The following LARS2 variants were observed in gnomAD, a reference collection of about 807,000 sequenced individuals.
The protein encoded by LARS2 is leucyl-tRNA synthetase 2, mitochondrial, also known as leucine--tRNA ligase, mitochondrial.
LARS2 carries 81 observed loss-of-function variants against 116.6 expected under a neutral mutation model. The observed-to-expected ratio is 0.69, with a 90% CI of 0.58 to 0.84. The LOEUF (loss-of-function observed/expected upper bound fraction) is 0.84. Ranked by LOEUF, LARS2 falls within the 40% of genes least tolerant of loss-of-function variation. The pLI is 0.00. For missense variants in LARS2, 968 were observed against 1,114.5 expected (o/e 0.87, Z 1.87); for synonymous variants, 396 against 407.2 (o/e 0.97, Z 0.33).
chr3:45,403,964 T>A (rs951166424), intron 4 of LARS2, among the ~76,000 whole-genome samples: 2 of 152,256 alleles, frequency 1.3e-5, no homozygotes, highest in Non-Finnish European at 2.9e-5. Flanking sequence ...GATGAGATAG[T>A]GCTTGTATCT....
chr3:45,445,126 G>A (rs1698997789), intron 6 of LARS2, among the ~76,000 whole-genome samples: 1 of 152,116 alleles, frequency 6.6e-6, no homozygotes, highest in South Asian at 2.1e-4. Context: ...GAATTTTGTG[G>A]TGAAACCTAC....
chr3:45,520,624 C>G (rs1427772637), intron 19 of LARS2, among the ~76,000 whole-genome samples: 1 of 152,144 alleles, frequency 6.6e-6, no homozygotes, highest in African/African-American at 2.4e-5. Context: ...GCTCTTTGCA[C>G]CCCCGCTGTC....
chr3:45,536,999 T>C (rs977997614), intron 20 of LARS2, among the ~76,000 whole-genome samples: 10 of 152,092 alleles, frequency 6.6e-5, no homozygotes, highest in Non-Finnish European at 1.2e-4. Context: ...GTGATGGGCA[T>C]TTGGGTGATG....
At chr3:45,486,080 C>G (rs1055994928) in intron 11 of LARS2, among the ~76,000 whole-genome samples, 2 of 151,626 alleles carry the variant, frequency 1.3e-5, no homozygotes, top group East Asian at 1.9e-4. Context: ...ACATATGATA[C>G]GAGGAACAAT....
At chr3:45,499,689 G>A (rs1363377896) in intron 14 of LARS2, among the ~76,000 whole-genome samples, 1 of 152,140 alleles carries the variant, frequency 6.6e-6, no homozygotes, top group East Asian at 1.9e-4. Context: ...GTATCTGCAT[G>A]TTAATCTTCA....
At position 45,395,113 on chromosome 3, in the gene LARS2, A is replaced by T. The variant is rs1360847996; in HGVS notation, c.234+426A>T. On this transcript the variant is annotated intron_variant, in intron 3 of 21. Transcript: ENST00000645846. ...GTGGGGCAGCACACAGGGATCTGGC[A>T]GGGTCATATCTGAGACTCCAGGAGA... is the stretch of plus-strand genomic sequence containing the variant. Among the ~76,000 whole-genome samples the T allele has an allele frequency of 5.3e-5, 8 of 152,322 alleles. 1 individual carries two copies. In the East Asian group the frequency reaches 1.2e-3, roughly 22 times the overall value.
intron 8 of LARS2, among the ~76,000 whole-genome samples, chr3:45,461,546 G>A (rs1178545415): frequency 6.6e-6 from 1 of 152,104 alleles, no homozygotes; most frequent in Non-Finnish European, 1.5e-5. Context: ...GGGGACCATA[G>A]GAAACCACTA....
At chr3:45,471,310 G>A (rs1017829510) in intron 8 of LARS2, among the ~76,000 whole-genome samples, 2 of 152,162 alleles carry the variant, frequency 1.3e-5, no homozygotes, top group East Asian at 1.9e-4. Context: ...AGAGTTGTTC[G>A]AGATGTTGAT....
At chr3:45,542,238 C>T (rs1700810090) in intron 21 of LARS2, among the ~76,000 whole-genome samples, 1 of 152,188 alleles carries the variant, frequency 6.6e-6, no homozygotes, top group South Asian at 2.1e-4. Context: ...CTTACAGGTT[C>T]TCGTTATCTT....
At chr3:45,530,399 G>A (rs927874184) in intron 20 of LARS2, among the ~76,000 whole-genome samples, 1 of 152,062 alleles carries the variant, frequency 6.6e-6, no homozygotes, top group Non-Finnish European at 1.5e-5. Flanking sequence ...ATGTGCCTGT[G>A]AAGTCACATA....
chr3:45,442,988 T>C (rs1698939299), intron 6 of LARS2, among the ~76,000 whole-genome samples: 2 of 152,164 alleles, frequency 1.3e-5, no homozygotes, highest in Admixed American at 1.3e-4. Context: ...ACTATAGGTT[T>C]TTAAAGCAGC....
intron 20 of LARS2, among the ~76,000 whole-genome samples, chr3:45,530,506 A>G (rs1261028451): frequency 6.6e-6 from 1 of 152,124 alleles, no homozygotes; most frequent in Non-Finnish European, 1.5e-5. Context: ...GTGACAGAGC[A>G]AGACTCCGTC....
chr3:45,400,260 T>C lies in LARS2; in HGVS notation c.250T>C (p.Phe84Leu). 6.2e-7 allele frequency: 1 copy of C among 1,612,648 alleles called. No homozygotes were observed. The highest frequency in any genetic ancestry group is 8.5e-7 in the Non-Finnish European group (1 of 1,179,562). Residue 84 changes from phenylalanine to leucine, a missense_variant, in exon 4 of 22, where the codon TTT becomes CTT. Transcript: ENST00000645846. ...ISEADKSKPK[F>L]YVLSMFPYPS... ...TCTTTCCTAGAAATCGAAGCCAAAATTTTACGTGCTTTCCATGTTCCCTTA... is the reference window on the plus strand; with the variant it reads ...TCTTTCCTAGAAATCGAAGCCAAAACTTTACGTGCTTTCCATGTTCCCTTA...
intron 8 of LARS2, among the ~76,000 whole-genome samples, chr3:45,464,231 A>T (rs769704259): frequency 6.6e-6 from 1 of 152,124 alleles, no homozygotes; most frequent in Admixed American, 6.5e-5. Context: ...AGGGGAGAGA[A>T]GGGAAGTTTG....
chr3:45,500,427 A>G lies in LARS2; in HGVS notation c.1623-15A>G, dbSNP rs750522430. 2 of 1,595,460 alleles carry G rather than the reference A, an allele frequency of 1.3e-6. No homozygotes were observed. The highest frequency in any genetic ancestry group is 1.7e-6 in the Non-Finnish European group (2 of 1,174,450). On this transcript the variant is annotated splice_polypyrimidine_tract_variant and intron_variant, in intron 14 of 21. Coordinates refer to ENST00000645846, the MANE Select transcript of LARS2 (RefSeq NM_015340.4). ...AAAGCAGGTTTTTAAAAATGCCTCC[A>G]TCTCTTTTTTACAGCCCTTTTAACA...
intron 10 of LARS2, among the ~76,000 whole-genome samples, chr3:45,480,880 C>G (rs977529701): frequency 6.6e-6 from 1 of 152,168 alleles, no homozygotes; most frequent in Non-Finnish European, 1.5e-5. Context: ...TTTTATATTA[C>G]TTTCTTTTGT....
chr3:45,488,635 C>T (rs1699857217), intron 11 of LARS2, 62 bp from the exon 12 acceptor site: 1 of 960,288 alleles, frequency 1.0e-6, no homozygotes, highest in African/African-American at 1.6e-5. Context: ...TCAGTACTGT[C>T]AGTTGTTTTG....
chr3:45,398,620 C>T (rs1698090080), intron 3 of LARS2, among the ~76,000 whole-genome samples: 1 of 152,218 alleles, frequency 6.6e-6, no homozygotes, highest in East Asian at 1.9e-4. Context: ...TCTCCAGCCC[C>T]TCCACCCTTG....
intron 14 of LARS2, among the ~76,000 whole-genome samples, chr3:45,497,511 T>TA (rs1283808023): frequency 6.6e-6 from 1 of 152,208 alleles, no homozygotes; most frequent in Non-Finnish European, 1.5e-5. Flanking sequence ...TTCGTGGTTC[T>TA]AAAATAATAT....
Sources: allele counts gnomAD v4.1 joint callset (sites outside exome capture counted in the v4.1 genomes callset), GRCh38; gene constraint gnomAD v4.1.1; transcripts MANE v1.5; gene names NCBI Gene and HGNC (gene_info 2026-07-23, HGNC 2026-07-21).